The following TMEM71 variants were observed in gnomAD, a reference collection of about 807,000 sequenced individuals.
TMEM71 encodes the protein transmembrane protein 71.
In TMEM71, 44 loss-of-function variants were observed where a neutral mutation model predicts 38.0. The observed-to-expected ratio is 1.16, with a 90% confidence interval of 0.91 to 1.49. The LOEUF is 1.49. Ranked by LOEUF, TMEM71 falls within the 40% of genes most tolerant of loss-of-function variation. The probability of loss-of-function intolerance (pLI) is 0.00; values close to 1 mark genes in which losing one functional copy is unlikely to be tolerated. For missense variants in TMEM71, 367 were observed against 348.6 expected (o/e 1.05, Z -0.42); for synonymous variants, 133 against 122.5 (o/e 1.09, Z -0.56).
chr8:132,770,164 T>C, the TMEM71 span, among the ~76,000 whole-genome samples: 243 of 152,336 alleles, frequency 1.6e-3, 1 homozygote, highest in South Asian at 0.013. Context: ...AATCTCTCAC[T>C]AGATTTGTCT....
chr8:132,709,178 A>T (rs542569952), downstream of TMEM71, among the ~76,000 whole-genome samples: 1 of 152,330 alleles, frequency 6.6e-6, no homozygotes, highest in Admixed American at 6.5e-5. Context: ...GAAATGTAGA[A>T]ATTCTCAATG....
intron 7 of TMEM71, among the ~76,000 whole-genome samples, chr8:132,715,326 C>T (rs1006465683): frequency 4.9e-5 from 7 of 141,766 alleles, no homozygotes; most frequent in African/African-American, 8.0e-5. Flanking sequence ...AGGAGAATGG[C>T]GTGAACCCGG....
chr8:132,756,430 T>TATATATATA (rs1175464872), intron 3 of TMEM71, among the ~76,000 whole-genome samples: 2 of 144,612 alleles, frequency 1.4e-5, no homozygotes, highest in African/African-American at 5.1e-5. Context: ...TATATATATA[T>TATATATATA]ATATATATAT....
intron 6 of TMEM71, among the ~76,000 whole-genome samples, chr8:132,722,334 A>G (rs923590246): frequency 6.6e-6 from 1 of 152,212 alleles, no homozygotes; most frequent in African/African-American, 2.4e-5. Context: ...TACTTTCTTC[A>G]ATCACTATAA....
At position 132,727,020 on chromosome 8, in the gene TMEM71, C is replaced by T. The variant is rs187752761; in HGVS notation, c.676+778G>A. Among the ~76,000 whole-genome samples, 275 of 152,016 alleles carry T rather than the reference C, an allele frequency of 1.8e-3. 3 individuals carry two copies. The highest frequency in any genetic ancestry group is 6.4e-3 in the African/African-American group (264 of 41,476). On this transcript the variant is annotated intron_variant, in intron 6 of 9. Transcript: ENST00000677595. ...TACAGGCATGTGCCACCATGCCCAG[C>T]TAATTTTTCTATTTTTAGTAGAGAT... is the stretch of plus-strand genomic sequence containing the variant.
chr8:132,710,825 CAT>C lies in TMEM71; in HGVS notation c.*140_*141del, dbSNP rs771491522. ...AAAAACTGAGATCATTTTAAAATCA[CAT>C]AGTCAAACTAAAATGGCTTTTTCTC... On this transcript the variant is annotated 3_prime_UTR_variant, in exon 10 of 10. Transcript: ENST00000677595. 4.0e-6 allele frequency: 3 copies of C among 742,480 alleles called. No homozygotes were observed. Among genetic ancestry groups the C allele is most frequent in the Non-Finnish European group, 7.2e-6 (3 of 418,820 alleles). 46.0% of individuals were successfully genotyped at this position (742,480 alleles called of 1,614,324 possible).
the TMEM71 span, among the ~76,000 whole-genome samples, chr8:132,775,979 A>C: frequency 1.3e-5 from 2 of 151,862 alleles, no homozygotes; most frequent in African/African-American, 4.8e-5. Context: ...ATTGCTTTAC[A>C]TTGTCGGTCT....
the TMEM71 span, among the ~76,000 whole-genome samples, chr8:132,774,179 C>G: frequency 1.3e-5 from 2 of 152,194 alleles, no homozygotes; most frequent in Non-Finnish European, 1.5e-5. Flanking sequence ...AAAGTATAAT[C>G]CTGTCATGTC....
chr8:132,735,178 G>A (rs1257138350), intron 5 of TMEM71, among the ~76,000 whole-genome samples: 2 of 152,160 alleles, frequency 1.3e-5, no homozygotes, highest in East Asian at 1.9e-4. Context: ...TTGCAGTATT[G>A]GGGCCTGGGT....
the TMEM71 span, among the ~76,000 whole-genome samples, chr8:132,770,894 T>C: frequency 6.6e-6 from 1 of 152,220 alleles, no homozygotes; most frequent in African/African-American, 2.4e-5. Context: ...CAGTGTTGCA[T>C]TTTAACAGAC....
chr8:132,775,878 C>T, the TMEM71 span, among the ~76,000 whole-genome samples: 1 of 152,182 alleles, frequency 6.6e-6, no homozygotes, highest in African/African-American at 2.4e-5. Context: ...CCCTGCCAGC[C>T]CTGTCAGCCT....
rs373928940 is a variant in TMEM71 at position 132,751,774 on chromosome 8, G to A, written c.314+11C>T. On this transcript the variant is annotated intron_variant, in intron 4 of 9. Coordinates refer to ENST00000677595, the MANE Select transcript of TMEM71 (RefSeq NM_001382403.1). ...GACTTCAGATTTCTTTCTGTAATATGCTCTGCTTACCTAACTAAGTTCTCC... is the reference window on the plus strand; with the variant it reads ...GACTTCAGATTTCTTTCTGTAATATACTCTGCTTACCTAACTAAGTTCTCC... 17 of 1,608,788 alleles carry A rather than the reference G, an allele frequency of 1.1e-5. No individual in the cohort carries two copies. The African/African-American group carries it at 2.0e-4, about 19-fold the overall frequency.
chr8:132,754,983 C>T (rs779109522), intron 3 of TMEM71, among the ~76,000 whole-genome samples: 11 of 152,140 alleles, frequency 7.2e-5, no homozygotes, highest in Non-Finnish European at 1.5e-4. Context: ...CAATAACTGA[C>T]GGCTTACAAG....
intron 3 of TMEM71, among the ~76,000 whole-genome samples, chr8:132,753,328 CAATT>C (rs1195059545): frequency 6.6e-6 from 1 of 152,086 alleles, no homozygotes; most frequent in Non-Finnish European, 1.5e-5. Flanking sequence ...TTTTGTGAAT[CAATT>C]AACAGCACTG....
chr8:132,746,414 CACACAT>C (rs1563753698), intron 5 of TMEM71, among the ~76,000 whole-genome samples: 16 of 9,828 alleles, frequency 1.6e-3, no homozygotes, highest in Non-Finnish European at 4.2e-3. Flanking sequence ...TATATATACA[CACACAT>C]ATATATACAT....
At chr8:132,714,749 G>T (rs1586782524) in intron 7 of TMEM71, among the ~76,000 whole-genome samples, 1 of 152,288 alleles carries the variant, frequency 6.6e-6, no homozygotes, top group East Asian at 1.9e-4. Flanking sequence ...CACTGTGAAA[G>T]ACACTGCTAA....
At position 132,710,715 on chromosome 8, in the gene TMEM71, C is replaced by T; in HGVS notation, c.*252G>A. 1 of 559,996 alleles carries T rather than the reference C, an allele frequency of 1.8e-6. No homozygotes were observed. Among genetic ancestry groups the T allele is most frequent in the African/African-American group, 2.0e-5 (1 of 51,058 alleles). 34.7% of individuals were successfully genotyped at this position (559,996 alleles called of 1,614,324 possible). On this transcript the variant is annotated 3_prime_UTR_variant, in exon 10 of 10. Coordinates refer to ENST00000677595, the MANE Select transcript of TMEM71 (RefSeq NM_001382403.1). ...AGGCGGTCTCTTTTCCATCACATTC[C>T]CCGTCCTTTTCCTTTCAACTGCCGG...
chr8:132,736,335 C>T (rs1313478309), intron 5 of TMEM71, among the ~76,000 whole-genome samples: 2 of 152,106 alleles, frequency 1.3e-5, no homozygotes, highest in Non-Finnish European at 2.9e-5. Context: ...AGAGGTGAGC[C>T]TGAGTAAGCC....
downstream of TMEM71, among the ~76,000 whole-genome samples, chr8:132,706,521 A>ATACTT (rs1253178519): frequency 6.2e-4 from 94 of 152,254 alleles, no homozygotes; most frequent in African/African-American, 2.2e-3. Context: ...TAGCATCTTG[A>ATACTT]TGAGGTACAA....
Sources: allele counts gnomAD v4.1 joint callset (sites outside exome capture counted in the v4.1 genomes callset), GRCh38; gene constraint gnomAD v4.1.1; transcripts MANE v1.5; gene names NCBI Gene and HGNC (gene_info 2026-07-23, HGNC 2026-07-21).